Variants in RFPL1 observed in about 807,000 individuals in gnomAD.
The protein encoded by RFPL1 is ret finger protein like 1, also known as ret finger protein-like 1.
In RFPL1, 6 loss-of-function variants were observed where a neutral mutation model predicts 9.6. That is an observed-to-expected ratio of 0.62 (90% CI 0.34 to 1.23). RFPL1 has a LOEUF of 1.23. Ranked by LOEUF, RFPL1 falls within the 50% of genes most tolerant of loss-of-function variation. The pLI, the probability that RFPL1 is intolerant of heterozygous loss-of-function variation, is 0.03. For missense variants in RFPL1, 352 were observed against 398.4 expected (o/e 0.88, Z 0.99); for synonymous variants, 145 against 149.4 (o/e 0.97, Z 0.22).
the RFPL1 span, among the ~76,000 whole-genome samples, chr22:29,410,226 T>G: frequency 1.5e-5 from 2 of 137,670 alleles, no homozygotes; most frequent in Middle Eastern, 3.8e-3. Flanking sequence ...TATATATATA[T>G]ATAGATATAT....
the RFPL1 span, among the ~76,000 whole-genome samples, chr22:29,421,757 C>T: frequency 9.3e-5 from 14 of 151,248 alleles, no homozygotes; most frequent in African/African-American, 3.4e-4. Flanking sequence ...TATCCCCCAT[C>T]GATCTGGCCA....
chr22:29,432,574 T>C, the RFPL1 span, among the ~76,000 whole-genome samples: 3 of 152,180 alleles, frequency 2.0e-5, no homozygotes, highest in Non-Finnish European at 4.4e-5. Context: ...CCTGAATTAG[T>C]CTCAAAGTGT....
At chr22:29,433,516 G>A in the RFPL1 span, 57 of 177,674 alleles carry the variant, frequency 3.2e-4, no homozygotes, top group African/African-American at 1.2e-3. Context: ...CAGCTGAGAA[G>A]AATTCTATAT....
Position 29,442,144 on chromosome 22 carries a change from A to G in RFPL1, c.*22A>G, listed in dbSNP as rs767547684. On this transcript the variant is annotated 3_prime_UTR_variant, in exon 2 of 2. Transcript: ENST00000354373. Reference sequence around the variant, plus strand: ...ATAAGCCCCCACTGCAAAAAAACAAAAAACAGGTTAAGAAAATTACTTGGG... The same window carrying G: ...ATAAGCCCCCACTGCAAAAAAACAAGAAACAGGTTAAGAAAATTACTTGGG... The G allele has an allele frequency of 4.7e-6, 7 of 1,500,412 alleles. No homozygotes were observed. The East Asian group carries it at 1.6e-4, about 34-fold the overall frequency. The allele number at this position is 1,500,412 out of a possible 1,614,324, so 92.9% of individuals were successfully genotyped here.
At chr22:29,415,183 C>G in the RFPL1 span, among the ~76,000 whole-genome samples, 28,611 of 151,408 alleles carry the variant, frequency 0.19, 3,391 homozygotes, top group African/African-American at 0.33. Flanking sequence ...CAAACCAAGT[C>G]AAAATCAAAA....
the RFPL1 span, among the ~76,000 whole-genome samples, chr22:29,423,382 C>CTTTTTTTT: frequency 7.4e-6 from 1 of 134,434 alleles, no homozygotes; most frequent in Admixed American, 7.6e-5. Flanking sequence ...AATCTATCAA[C>CTTTTTTTT]TTTTTTTTTT....
chr22:29,423,750 T>A, the RFPL1 span, among the ~76,000 whole-genome samples: 24,091 of 152,134 alleles, frequency 0.16, 2,029 homozygotes, highest in Non-Finnish European at 0.18. Flanking sequence ...TAGGGAGACT[T>A]CTCCCCATGA....
At chr22:29,437,790 C>A (rs1381760945), upstream of RFPL1, 12 of 1,483,358 alleles carry the variant, frequency 8.1e-6, no homozygotes, top group Admixed American at 1.4e-4. Context: ...GGGGGTTATG[C>A]CTTGGGGGAT....
chr22:29,419,042 G>A, the RFPL1 span: 1 of 689,892 alleles, frequency 1.4e-6, no homozygotes, highest in Non-Finnish European at 2.6e-6. Flanking sequence ...GGAGCTGTAT[G>A]AGGGGAGACA....
At chr22:29,418,745 A>G in the RFPL1 span, among the ~76,000 whole-genome samples, 3 of 151,736 alleles carry the variant, frequency 2.0e-5, no homozygotes, top group Non-Finnish European at 2.9e-5. Flanking sequence ...AGATCCGCCC[A>G]CCTGGGCCTC....
At chr22:29,387,931 T>C in the RFPL1 span, among the ~76,000 whole-genome samples, 3 of 152,206 alleles carry the variant, frequency 2.0e-5, no homozygotes, top group Non-Finnish European at 4.4e-5. Flanking sequence ...GGTGTCTCCA[T>C]TCAGTTAACT....
chr22:29,437,455 A>C (rs2062813741), upstream of RFPL1: 2 of 662,718 alleles, frequency 3.0e-6, no homozygotes, highest in Non-Finnish European at 5.0e-6. Context: ...AATTTAATAT[A>C]AAGGCAATTT....
the RFPL1 span, among the ~76,000 whole-genome samples, chr22:29,395,566 T>C: frequency 6.6e-6 from 1 of 152,138 alleles, no homozygotes; most frequent in African/African-American, 2.4e-5. Flanking sequence ...GTCTTCCCAG[T>C]AGCAAATTCC....
the RFPL1 span, among the ~76,000 whole-genome samples, chr22:29,393,620 C>T: frequency 3.3e-5 from 5 of 152,024 alleles, no homozygotes; most frequent in African/African-American, 1.2e-4. Flanking sequence ...GACCCCAGGC[C>T]CAGGAGAAAC....
At chr22:29,411,848 T>G in the RFPL1 span, among the ~76,000 whole-genome samples, 1 of 152,176 alleles carries the variant, frequency 6.6e-6, no homozygotes, top group Non-Finnish European at 1.5e-5. Flanking sequence ...ATTGGGGGTT[T>G]GTGTTATAAA....
At chr22:29,421,595 C>G in the RFPL1 span, among the ~76,000 whole-genome samples, 1 of 151,012 alleles carries the variant, frequency 6.6e-6, no homozygotes, top group African/African-American at 2.4e-5. Context: ...CTCCTGGGCT[C>G]AAGCAAGTAA....
chr22:29,409,474 G>A, the RFPL1 span, among the ~76,000 whole-genome samples: 1 of 151,988 alleles, frequency 6.6e-6, no homozygotes, highest in African/African-American at 2.4e-5. Flanking sequence ...CTTGTCAACC[G>A]CCCACCTCCA....
the RFPL1 span, among the ~76,000 whole-genome samples, chr22:29,394,336 T>TTTTTA: frequency 6.7e-6 from 1 of 149,384 alleles, no homozygotes; most frequent in South Asian, 2.1e-4. Context: ...TTTGTTGTTG[T>TTTTTA]TTTTGTTTTG....
the RFPL1 span, among the ~76,000 whole-genome samples, chr22:29,415,437 C>A: frequency 6.6e-6 from 1 of 152,232 alleles, no homozygotes; most frequent in Non-Finnish European, 1.5e-5. Flanking sequence ...GCCTGCCATG[C>A]ACTGCTCTGA....
Sources: gnomAD v4.1 joint callset for allele counts (sites outside exome capture counted in the v4.1 genomes callset) on GRCh38, gnomAD v4.1.1 for gene constraint, MANE v1.5 for transcripts, NCBI Gene and HGNC (gene_info 2026-07-23, HGNC 2026-07-21) for gene names.